ZBBX: variants seen among roughly 807,000 people sequenced by gnomAD.
ZBBX encodes zinc finger B-box domain containing.
In ZBBX, 101 loss-of-function variants were observed where a neutral mutation model predicts 108.5. That is an observed-to-expected ratio of 0.93 (90% CI 0.79 to 1.10). ZBBX has a LOEUF of 1.10. Among genes scored for constraint, ZBBX ranks in the 50% least tolerant of loss-of-function variants. The probability of loss-of-function intolerance (pLI) is 0.00; values close to 1 mark genes in which losing one functional copy is unlikely to be tolerated. For synonymous variants in ZBBX, 356 were observed against 323.4 expected, an observed-to-expected ratio of 1.10 and a Z score of -1.08; for missense variants, 1,009 against 941.4, an observed-to-expected ratio of 1.07 and a Z score of -0.94.
Position 167,299,623 on chromosome 3 carries a change from C to G in ZBBX, c.1726-1165G>C, listed in dbSNP as rs1205242662. On this transcript the variant is annotated intron_variant, in intron 17 of 21. Coordinates refer to ENST00000675490, the MANE Select transcript of ZBBX (RefSeq NM_001199201.2). ...GGACCCCTAACTAGTCCATTGTTTT[C>G]CTAACTACTGCCCTACAAATTAGTA... is the stretch of plus-strand genomic sequence containing the variant. Among the ~76,000 whole-genome samples, 3 of 152,118 alleles carry G rather than the reference C, an allele frequency of 2.0e-5. No individual in the cohort carries two copies. In the East Asian group the frequency reaches 5.8e-4, roughly 29 times the overall value.
chr3:167,203,937 A>T, the ZBBX span, among the ~76,000 whole-genome samples: 1 of 152,160 alleles, frequency 6.6e-6, no homozygotes, highest in Admixed American at 6.6e-5. Flanking sequence ...TCATCTTTGA[A>T]ACTTTTAATC....
intron 20 of ZBBX, among the ~76,000 whole-genome samples, chr3:167,246,104 T>C (rs1490431211): frequency 2.0e-5 from 3 of 152,194 alleles, no homozygotes; most frequent in Non-Finnish European, 2.9e-5. Context: ...ATCTGCCCCA[T>C]CTACTTCACC....
intron 20 of ZBBX, among the ~76,000 whole-genome samples, chr3:167,254,903 T>TGA (rs1299675199): frequency 1.4e-4 from 21 of 146,078 alleles, no homozygotes; most frequent in African/African-American, 4.8e-4. Flanking sequence ...AGAGAGAGAA[T>TGA]GAGAGAGAGA....
At chr3:167,316,964 G>T in intron 14 of ZBBX, 41 bp downstream of exon 14, 1 of 1,242,454 alleles carries the variant, frequency 8.0e-7, no homozygotes, top group Non-Finnish European at 1.2e-6. Flanking sequence ...TGAATTCCCT[G>T]TTAAAAATCA....
chr3:167,394,856 A>G (rs1416828587), intron 1 of ZBBX, among the ~76,000 whole-genome samples: 1 of 152,084 alleles, frequency 6.6e-6, no homozygotes, highest in Non-Finnish European at 1.5e-5. Flanking sequence ...GACCTCAAGA[A>G]TCTGTTCATT....
chr3:167,402,268 A>G (rs1265289347), intron 1 of ZBBX, among the ~76,000 whole-genome samples: 1 of 152,208 alleles, frequency 6.6e-6, no homozygotes, highest in Non-Finnish European at 1.5e-5. Context: ...CTGAAATTTA[A>G]AAATTCAAAG....
intron 17 of ZBBX, among the ~76,000 whole-genome samples, chr3:167,304,674 GC>G (rs1733313835): frequency 1.3e-5 from 2 of 152,030 alleles, no homozygotes; most frequent in South Asian, 4.1e-4. Context: ...CTAAATGAAA[GC>G]CCAAGATATC....
chr3:167,213,765 A>G, the ZBBX span, among the ~76,000 whole-genome samples: 5 of 152,182 alleles, frequency 3.3e-5, no homozygotes, highest in Admixed American at 6.5e-5. Flanking sequence ...AAAGAATGTT[A>G]TAAAGGCAGC....
chr3:167,192,888 G>C, the ZBBX span, among the ~76,000 whole-genome samples: 5 of 152,230 alleles, frequency 3.3e-5, no homozygotes, highest in East Asian at 9.7e-4. Flanking sequence ...TGTTATCTCA[G>C]AGATCACAGA....
At chr3:167,231,610 CA>C in the ZBBX span, among the ~76,000 whole-genome samples, 1 of 151,588 alleles carries the variant, frequency 6.6e-6, no homozygotes, top group Non-Finnish European at 1.5e-5. Context: ...ATGAGGGGAG[CA>C]AAAATATTTG....
chr3:167,222,499 C>G, the ZBBX span, among the ~76,000 whole-genome samples: 1 of 151,370 alleles, frequency 6.6e-6, no homozygotes, highest in Non-Finnish European at 1.5e-5. Context: ...TGAATAAGAT[C>G]TAGTATTTGA....
chr3:167,216,709 T>C, the ZBBX span, among the ~76,000 whole-genome samples: 1 of 152,156 alleles, frequency 6.6e-6, no homozygotes, highest in African/African-American at 2.4e-5. Flanking sequence ...TCATGTTACC[T>C]GACTTCAAAC....
chr3:167,315,861 A>C (rs1320353056), intron 14 of ZBBX, 32 bp from the exon 15 acceptor site: 7 of 1,394,264 alleles, frequency 5.0e-6, no homozygotes, highest in Non-Finnish European at 6.9e-6. Context: ...AATATTAGTA[A>C]GTTCATAAAA....
At chr3:167,304,205 T>C (rs1733202654) in intron 17 of ZBBX, among the ~76,000 whole-genome samples, 1 of 152,198 alleles carries the variant, frequency 6.6e-6, no homozygotes, top group African/African-American at 2.4e-5. Context: ...CAGGTTTGTT[T>C]ACTGTCTAGT....
the ZBBX span, among the ~76,000 whole-genome samples, chr3:167,219,826 T>G: frequency 0.013 from 2,024 of 151,974 alleles, 22 homozygotes; most frequent in South Asian, 0.026. Context: ...GAAAAATTGT[T>G]TATTAAAAGG....
chr3:167,263,041 T>A (rs1724844822), intron 20 of ZBBX, among the ~76,000 whole-genome samples: 1 of 146,248 alleles, frequency 6.8e-6, no homozygotes, highest in Non-Finnish European at 1.5e-5. Context: ...AGTTCTTTTT[T>A]TTTTTTTTTT....
intron 20 of ZBBX, 54 bp from the exon 21 acceptor site, chr3:167,242,697 A>G: frequency 1.3e-6 from 2 of 1,523,282 alleles, no homozygotes; most frequent in African/African-American, 1.4e-5. Context: ...AAACAAATAT[A>G]CAGCATATGG....
At chr3:167,191,761 G>T in the ZBBX span, among the ~76,000 whole-genome samples, 3 of 151,540 alleles carry the variant, frequency 2.0e-5, no homozygotes, top group South Asian at 6.3e-4. Context: ...ATTAGTAGGG[G>T]ATCTTGTGAT....
chr3:167,284,330 C>A (rs1484501806), intron 19 of ZBBX, among the ~76,000 whole-genome samples: 2 of 151,882 alleles, frequency 1.3e-5, no homozygotes, highest in Non-Finnish European at 1.5e-5. Context: ...CATAAGGAAG[C>A]AATAGCACAG....
Sources: gnomAD v4.1 joint callset for allele counts (sites outside exome capture counted in the v4.1 genomes callset) on GRCh38, gnomAD v4.1.1 for gene constraint, MANE v1.5 for transcripts, NCBI Gene and HGNC (gene_info 2026-07-23, HGNC 2026-07-21) for gene names.